The following RAI1 variants were observed in gnomAD, a reference collection of about 807,000 sequenced individuals.
RAI1 encodes the protein retinoic acid-induced protein 1.
In RAI1, 9 loss-of-function variants were observed where a neutral mutation model predicts 123.8. The ratio of observed to expected loss-of-function variants is 0.07; its 90% confidence interval spans 0.04 to 0.13. The LOEUF is 0.13. RAI1 is among the 10% of genes least tolerant of loss of function. The pLI is 1.00. For missense variants in RAI1, 2,256 were observed against 2,545.8 expected (o/e 0.89, Z 2.45); for synonymous variants, 1,231 against 1,127.3 (o/e 1.09, Z -1.84).
chr17:17,757,323 CAGG>C (rs1176787765), intron 2 of RAI1, among the ~76,000 whole-genome samples: 1 of 152,182 alleles, frequency 6.6e-6, no homozygotes, highest in Non-Finnish European at 1.5e-5. Flanking sequence ...TTTGCGGAGG[CAGG>C]AGAGAGCTCC....
Position 17,810,242 on chromosome 17 carries a change from C to T in RAI1, c.*261C>T, listed in dbSNP as rs2032708622. On this transcript the variant is annotated 3_prime_UTR_variant, in exon 6 of 6. Coordinates refer to ENST00000353383, the MANE Select transcript of RAI1 (RefSeq NM_030665.4). This position sits in a 1 kb window ranked among gnomAD's most constrained non-coding sequence, Gnocchi z 4.6. ...AGGGCGTTCTTGCCCACCCCAGGGG[C>T]CAGGCTTGCGGAGGGGGAGCCCGCG... 9.2e-6 allele frequency: 5 copies of T among 541,592 alleles called. No individual in the cohort carries two copies. In the Admixed American group the frequency reaches 1.1e-4, roughly 12 times the overall value. 33.5% of individuals were successfully genotyped at this position (541,592 alleles called of 1,614,324 possible).
Position 17,759,074 on chromosome 17 carries a change from A to T in RAI1, c.-16-33859A>T, listed in dbSNP as rs1403817586. The T allele has an allele frequency of 2.6e-5, 4 of 152,228 alleles. No individual in the cohort carries two copies. In the East Asian group the frequency reaches 7.7e-4, roughly 29 times the overall value. 9.4% of individuals were successfully genotyped at this position (152,228 alleles called of 1,614,324 possible). On this transcript the variant is annotated intron_variant, in intron 2 of 5. Transcript: ENST00000353383. ...GGAGTATCACCCTAATTGCGCAGAT[A>T]AGGATACCAAGGCCTGCGCAGGTGA...
intron 1 of RAI1, among the ~76,000 whole-genome samples, chr17:17,716,806 G>A (rs550591901): frequency 2.6e-5 from 4 of 152,302 alleles, no homozygotes; most frequent in South Asian, 2.1e-4. Context: ...TGGTCACCAC[G>A]GCCCCGTGGG....
chr17:17,784,954 C>A (rs1188471434), intron 2 of RAI1, among the ~76,000 whole-genome samples: 2 of 152,144 alleles, frequency 1.3e-5, no homozygotes, highest in African/African-American at 4.8e-5. Context: ...TTCATCCTTC[C>A]CCACATAGTT....
rs1480222254 is a variant in RAI1, at chr17:17,801,124, CGAT to C, written c.5565+2613_5565+2615del. Among the ~76,000 whole-genome samples, 1 of 152,124 alleles carries C rather than the reference CGAT, an allele frequency of 6.6e-6. No homozygotes were observed. The highest frequency in any genetic ancestry group is 1.5e-5 in the Non-Finnish European group (1 of 68,014). On this transcript the variant is annotated intron_variant, in intron 3 of 5. Coordinates refer to ENST00000353383, the MANE Select transcript of RAI1 (RefSeq NM_030665.4). The surrounding 1 kb of genome is among the most constrained non-coding windows in gnomAD (Gnocchi z 4.1). The stretch of plus-strand genomic sequence containing the variant: ...AGCTCTCAGGGATACCTTTTTTCCT[CGAT>C]GGCCTTTTCTGGGAACTGCCCTCGC...
chr17:17,809,170 G>A lies in RAI1; in HGVS notation c.5660-220G>A, dbSNP rs549701810. On this transcript the variant is annotated intron_variant, in intron 4 of 5. Coordinates refer to ENST00000353383, the MANE Select transcript of RAI1 (RefSeq NM_030665.4). The surrounding 1 kb of genome is among the most constrained non-coding windows in gnomAD (Gnocchi z 4.9). ...GGGGGAAAAGCTCTCCGCGGAGGAG[G>A]TGAGGTGAGTCAAGACTGCCAGGCC... 1.6e-6 allele frequency: 1 copy of A among 644,484 alleles called. No individual in the cohort carries two copies. Among genetic ancestry groups the A allele is most frequent in the South Asian group, 1.7e-5 (1 of 58,622 alleles). 39.9% of individuals were successfully genotyped at this position (644,484 alleles called of 1,614,324 possible). A position where few individuals can be genotyped will look rare whatever the true frequency, so the allele number is the denominator to read the frequency against.
chr17:17,711,401 C>T (rs1039826039), intron 1 of RAI1, among the ~76,000 whole-genome samples: 41 of 152,214 alleles, frequency 2.7e-4, no homozygotes, highest in African/African-American at 8.0e-4. Flanking sequence ...TGTGTGTGCC[C>T]TGTCCCCCAG....
At chr17:17,718,725 A>G (rs1445423196) in intron 1 of RAI1, among the ~76,000 whole-genome samples, 1 of 152,034 alleles carries the variant, frequency 6.6e-6, no homozygotes, top group Non-Finnish European at 1.5e-5. Flanking sequence ...AGGGGATATT[A>G]AGGCTGGGAA....
chr17:17,699,109 G>A (rs1915130964), intron 1 of RAI1, among the ~76,000 whole-genome samples: 1 of 152,228 alleles, frequency 6.6e-6, no homozygotes, highest in African/African-American at 2.4e-5. Flanking sequence ...TTCTTGCTGT[G>A]TGGCCTCAGG....
rs1353290831 is a variant in RAI1 at position 17,694,699 on chromosome 17, C to A, written c.-149+12906C>A. Among the ~76,000 whole-genome samples the A allele has an allele frequency of 3.3e-5, 5 of 151,270 alleles. No individual in the cohort carries two copies. In the East Asian group the frequency reaches 9.7e-4, roughly 29 times the overall value. Reference sequence around the variant, plus strand: ...GGCGTCCCACAGGCCGCGGTCGGGGCCCGCGACGCCGACGCCGGGAGGGGG... The same window carrying A: ...GGCGTCCCACAGGCCGCGGTCGGGGACCGCGACGCCGACGCCGGGAGGGGG... On this transcript the variant is annotated intron_variant, in intron 1 of 5. Transcript: ENST00000353383.
chr17:17,770,176 C>T (rs534291539), intron 2 of RAI1, among the ~76,000 whole-genome samples: 1 of 152,154 alleles, frequency 6.6e-6, no homozygotes, highest in East Asian at 2.0e-4. Flanking sequence ...AGGCCTCTGG[C>T]CGGGGTGCAG....
At chr17:17,748,099 C>T (rs773634884) in intron 2 of RAI1, among the ~76,000 whole-genome samples, 8 of 152,166 alleles carry the variant, frequency 5.3e-5, no homozygotes, top group South Asian at 2.1e-4. Flanking sequence ...TGGCGGAAGG[C>T]GAAAGGCATG....
chr17:17,707,001 G>T (rs1028063433), intron 1 of RAI1, among the ~76,000 whole-genome samples: 7 of 152,220 alleles, frequency 4.6e-5, no homozygotes, highest in Non-Finnish European at 7.3e-5. Flanking sequence ...GCTCCTTCCT[G>T]TCTTAGTGGG....
At position 17,793,217 on chromosome 17, in the gene RAI1, G is replaced by C. The variant is rs3803763; in HGVS notation, c.269G>C (p.Gly90Ala). 605,555 of 1,611,184 alleles carry C rather than the reference G, an allele frequency of 0.38. 134,628 individuals carry two copies. The highest frequency in any genetic ancestry group is 0.92 in the East Asian group (41,181 of 44,782). ...AGCAAGGCCCTGCCCACACAGCAAGGCCTGCAGGGGAGGCCGGCTTTCCCT... is the reference window on the plus strand; with the variant it reads ...AGCAAGGCCCTGCCCACACAGCAAGCCCTGCAGGGGAGGCCGGCTTTCCCT... ...RGSKALPTQQ[G>A]LQGRPAFPGY... Residue 90 changes from glycine (G) to alanine (A), a missense_variant, in exon 3 of 6, where the codon GGC (glycine) becomes GCC (alanine). This residue lies in a region of RAI1 where 336 missense variants were observed against 349.8 expected (regional missense o/e 0.96). Transcript: ENST00000353383.
At chr17:17,709,622 C>A (rs1277153468) in intron 1 of RAI1, among the ~76,000 whole-genome samples, 2 of 152,214 alleles carry the variant, frequency 1.3e-5, no homozygotes, top group African/African-American at 4.8e-5. Flanking sequence ...GCCCCCAGGC[C>A]CCTGGCCTCA....
At chr17:17,693,886 C>T (rs1009518224) in intron 1 of RAI1, among the ~76,000 whole-genome samples, 1 of 152,170 alleles carries the variant, frequency 6.6e-6, no homozygotes, top group Non-Finnish European at 1.5e-5. Context: ...AGTGCCACTA[C>T]GTGTGGACAG....
Position 17,748,643 on chromosome 17 carries a change from A to G in RAI1, c.-17+24484A>G, listed in dbSNP as rs369694752. On this transcript the variant is annotated intron_variant, in intron 2 of 5. Transcript: ENST00000353383. Reference sequence around the variant, plus strand: ...TAGAACTCCAATAGGTTCTTAAATGATGATAGAAAAGGTGTAGGAGGATGG... The same window carrying G: ...TAGAACTCCAATAGGTTCTTAAATGGTGATAGAAAAGGTGTAGGAGGATGG... Among the ~76,000 whole-genome samples, 73 of 152,192 alleles carry G rather than the reference A, an allele frequency of 4.8e-4. 1 individual carries two copies. Among genetic ancestry groups the G allele is most frequent in the African/African-American group, 1.7e-3 (69 of 41,452 alleles).
chr17:17,809,220 T>G lies in RAI1; in HGVS notation c.5660-170T>G. 1 of 726,986 alleles carries G rather than the reference T, an allele frequency of 1.4e-6. No homozygotes were observed. The highest frequency in any genetic ancestry group is 2.5e-6 in the Non-Finnish European group (1 of 400,086). 45.0% of individuals were successfully genotyped at this position (726,986 alleles called of 1,614,324 possible). On this transcript the variant is annotated intron_variant, in intron 4 of 5. Coordinates refer to ENST00000353383, the MANE Select transcript of RAI1 (RefSeq NM_030665.4). The surrounding 1 kb of genome is among the most constrained non-coding windows in gnomAD (Gnocchi z 4.9). ...CAGGGGCCGCACCCGCGCCGTGGAG[T>G]GGAGTGGAGTGTGGAGGGTTTTGTG...
chr17:17,709,876 A>T (rs1437333607), intron 1 of RAI1, among the ~76,000 whole-genome samples: 4 of 152,166 alleles, frequency 2.6e-5, no homozygotes, highest in African/African-American at 9.7e-5. Flanking sequence ...AGGCAGTTCC[A>T]AGAGCTGGTG....
Sources: gnomAD v4.1 joint callset for allele counts (sites outside exome capture counted in the v4.1 genomes callset) on GRCh38, gnomAD v4.1.1 for gene constraint, gnomAD v4.1.1 regional missense constraint, Gnocchi (gnomAD v3.1) non-coding constraint, MANE v1.5 for transcripts, NCBI Gene and HGNC (gene_info 2026-07-23, HGNC 2026-07-21) for gene names.